SLC25A16: variants seen among roughly 807,000 people sequenced by gnomAD.
SLC25A16 encodes the protein solute carrier family 25 member 16, also known as mitochondrial coenzyme A transporter SLC25A16.
A neutral mutation model predicts 41.5 loss-of-function variants in SLC25A16; 39 were observed. The observed-to-expected ratio is 0.94, with a 90% confidence interval of 0.73 to 1.23. SLC25A16 has a LOEUF of 1.23. Ranked by LOEUF, SLC25A16 falls within the 50% of genes most tolerant of loss-of-function variation. SLC25A16 has a pLI of 0.00. For missense variants in SLC25A16, 421 were observed against 426.9 expected (o/e 0.99, Z 0.12); for synonymous variants, 146 against 147.8 (o/e 0.99, Z 0.09).
intron 2 of SLC25A16, among the ~76,000 whole-genome samples, chr10:68,514,891 C>T (rs1258999942): frequency 6.6e-6 from 1 of 151,804 alleles, no homozygotes; most frequent in Non-Finnish European, 1.5e-5. Flanking sequence ...GTGCCTGCCA[C>T]CACGCCCAGC....
At chr10:68,491,714 G>C (rs1366076704) in intron 6 of SLC25A16, among the ~76,000 whole-genome samples, 1 of 152,154 alleles carries the variant, frequency 6.6e-6, no homozygotes, top group Non-Finnish European at 1.5e-5. Context: ...GACCTCCTGA[G>C]AAATTAGGAG....
intron 8 of SLC25A16, among the ~76,000 whole-genome samples, chr10:68,486,226 C>CAA (rs1333581796): frequency 2.4e-4 from 13 of 54,762 alleles, no homozygotes; most frequent in South Asian, 1.6e-3. Context: ...CTCAAAAAAA[C>CAA]AAAACAAAAA....
intron 8 of SLC25A16, 182 bp downstream of exon 8, chr10:68,486,956 CAAAAAA>C (rs374368406): frequency 6.6e-3 from 675 of 102,816 alleles, no homozygotes; most frequent in Middle Eastern, 0.016. Flanking sequence ...GACTGCATCT[CAAAAAA>C]AAAAAAAAAA....
Position 68,523,771 on chromosome 10 carries a change from A to G in SLC25A16, c.130+3475T>C, listed in dbSNP as rs117231192. ...ATTACAGGTGTGAGACACCTCACCT[A>G]GCCTAAATGTCATTTTATCAGCAGA... is the stretch of plus-strand genomic sequence containing the variant. On this transcript the variant is annotated intron_variant, in intron 1 of 8. Coordinates refer to ENST00000609923, the MANE Select transcript of SLC25A16 (RefSeq NM_152707.4). 2.6e-3 allele frequency among the ~76,000 whole-genome samples: 403 copies of G among 152,138 alleles called. 5 individuals carry two copies. Among genetic ancestry groups the G allele is most frequent in the East Asian group, 0.016 (84 of 5,152 alleles).
At chr10:68,518,138 C>T (rs1564928550) in intron 1 of SLC25A16, 1 of 152,202 alleles carries the variant, frequency 6.6e-6, no homozygotes, top group African/African-American at 2.4e-5. Context: ...AACAACAAGT[C>T]CGGGCACGGT....
At chr10:68,484,738 A>AATGCTCCC (rs1187665788) in intron 8 of SLC25A16, among the ~76,000 whole-genome samples, 1 of 152,168 alleles carries the variant, frequency 6.6e-6, no homozygotes, top group Non-Finnish European at 1.5e-5. Context: ...AGCACAGGGT[A>AATGCTCCC]ATGCTCCCAG....
chr10:68,516,695 TGCCCA>T, intron 2 of SLC25A16, 51 bp downstream of exon 2: 1 of 1,268,122 alleles, frequency 7.9e-7, no homozygotes, highest in African/African-American at 1.5e-5. Context: ...TTCCCTTTTT[TGCCCA>T]CTTTCCACAA....
At position 68,478,459 on chromosome 10, in the gene SLC25A16, C is replaced by T. The variant is rs2052451592; in HGVS notation, c.*4973G>A. ...GTCAGGTATTATTGATCCAACTCTG[C>T]AAGGCAACCCATTAATTGTACATAG... On this transcript the variant is annotated 3_prime_UTR_variant, in exon 9 of 9. Transcript: ENST00000609923. 1 of 152,098 alleles carries T rather than the reference C, an allele frequency of 6.6e-6. No individual in the cohort carries two copies. The highest frequency in any genetic ancestry group is 6.5e-5 in the Admixed American group (1 of 15,274). 9.4% of individuals were successfully genotyped at this position (152,098 alleles called of 1,614,324 possible). A position where few individuals can be genotyped will look rare whatever the true frequency, so the allele number is the denominator to read the frequency against.
chr10:68,506,461 A>G (rs137998069), intron 3 of SLC25A16, 124 bp downstream of exon 3: 2 of 669,144 alleles, frequency 3.0e-6, no homozygotes, highest in African/African-American at 3.8e-5. Context: ...AAAAAAAAAA[A>G]CCAATAATTT....
In SLC25A16 at chr10:68,522,788, C is replaced by T. The variant is rs929333777; in HGVS notation, c.130+4458G>A. ...CAAGATTGCACCACTGCACTCTAGCCTAGGCAACAGAGTGAGATTCCTTCT... is the reference window on the plus strand; with the variant it reads ...CAAGATTGCACCACTGCACTCTAGCTTAGGCAACAGAGTGAGATTCCTTCT... On this transcript the variant is annotated intron_variant, in intron 1 of 8. Transcript: ENST00000609923. 6.9e-5 allele frequency among the ~76,000 whole-genome samples: 10 copies of T among 144,022 alleles called. No homozygotes were observed. The South Asian group carries it at 2.2e-3, about 32-fold the overall frequency. The allele number at this position is 144,022 out of a possible 152,430, so 94.5% of individuals were successfully genotyped here.
In SLC25A16 at chr10:68,526,886, G is replaced by T. The variant is rs566050776; in HGVS notation, c.130+360C>A. Reference sequence around the variant, plus strand: ...AAACAGCAAAATCCAAGTCTACACTGGGTCACTCACGGTTTTTATAAAAGA... The same window carrying T: ...AAACAGCAAAATCCAAGTCTACACTTGGTCACTCACGGTTTTTATAAAAGA... On this transcript the variant is annotated intron_variant, in intron 1 of 8. Transcript: ENST00000609923. Among the ~76,000 whole-genome samples, 4 of 152,222 alleles carry T rather than the reference G, an allele frequency of 2.6e-5. No individual in the cohort carries two copies. In the East Asian group the frequency reaches 7.7e-4, roughly 29 times the overall value.
intron 2 of SLC25A16, among the ~76,000 whole-genome samples, chr10:68,507,504 C>T (rs2052978736): frequency 6.6e-6 from 1 of 152,042 alleles, no homozygotes. Context: ...CCTATTAATA[C>T]TCTTTAAGTG....
intron 4 of SLC25A16, among the ~76,000 whole-genome samples, chr10:68,496,283 G>A (rs1050506639): frequency 1.3e-5 from 2 of 152,046 alleles, no homozygotes; most frequent in African/African-American, 4.8e-5. Context: ...TCATTCAGAG[G>A]GTGACTGAGG....
chr10:68,484,424 CT>C (rs35608830), intron 8 of SLC25A16, among the ~76,000 whole-genome samples: 15,832 of 127,512 alleles, frequency 0.12, 922 homozygotes, highest in South Asian at 0.27. Context: ...TTTCAAAAAT[CT>C]TTTTTTTTTT....
intron 1 of SLC25A16, among the ~76,000 whole-genome samples, chr10:68,521,582 CTTTTTTTTTTT>C (rs757080265): frequency 1.2e-4 from 13 of 110,292 alleles, no homozygotes; most frequent in South Asian, 3.3e-4. Context: ...TGCCTGTAAT[CTTTTTTTTTTT>C]TTTTTTTTTT....
chr10:68,521,027 G>C (rs772024530), intron 1 of SLC25A16, among the ~76,000 whole-genome samples: 1 of 151,766 alleles, frequency 6.6e-6, no homozygotes, highest in African/African-American at 2.4e-5. Context: ...CCAGCTACTC[G>C]GGAGGCTGAG....
In SLC25A16 at chr10:68,488,112, A is replaced by T. The variant is rs369214267; in HGVS notation, c.773+355T>A. The stretch of plus-strand genomic sequence containing the variant: ...TGATCCACCCGCCTAAGCCTCCCAA[A>T]CTGCTGGGATTACAGACGTGAGTCA... On this transcript the variant is annotated intron_variant, in intron 7 of 8. Coordinates refer to ENST00000609923, the MANE Select transcript of SLC25A16 (RefSeq NM_152707.4). Among the ~76,000 whole-genome samples, 10 of 152,020 alleles carry T rather than the reference A, an allele frequency of 6.6e-5. No homozygotes were observed. In the East Asian group the frequency reaches 1.6e-3, roughly 24 times the overall value.
chr10:68,488,680 T>TG (rs1564910259), intron 6 of SLC25A16, 51 bp from the exon 7 acceptor site: 1 of 1,387,530 alleles, frequency 7.2e-7, no homozygotes, highest in Non-Finnish European at 1.0e-6. Context: ...ACATGAGCTG[T>TG]GAAAAAGACA....
At chr10:68,517,872 A>C (rs1319278842) in intron 1 of SLC25A16, 2 of 151,666 alleles carry the variant, frequency 1.3e-5, no homozygotes, top group Non-Finnish European at 2.9e-5. Context: ...TTGGGAGGTT[A>C]AGGCAGGAGA....
Sources: gnomAD v4.1 joint callset for allele counts (sites outside exome capture counted in the v4.1 genomes callset) on GRCh38, gnomAD v4.1.1 for gene constraint, MANE v1.5 for transcripts, NCBI Gene and HGNC (gene_info 2026-07-23, HGNC 2026-07-21) for gene names.